PPP1R13B: variants seen among roughly 807,000 people sequenced by gnomAD.
The protein encoded by PPP1R13B is protein phosphatase 1 regulatory subunit 13B.
In PPP1R13B, 44 loss-of-function variants were observed where a neutral mutation model predicts 119.8. The observed-to-expected ratio is 0.37, with a 90% confidence interval of 0.29 to 0.47. PPP1R13B has a LOEUF of 0.47. Among genes scored for constraint, PPP1R13B ranks in the 20% least tolerant of loss-of-function variants. PPP1R13B has a pLI of 0.99. For synonymous variants in PPP1R13B, 542 were observed against 561.5 expected (o/e 0.97, Z 0.49); for missense variants, 1,227 against 1,413.5 (o/e 0.87, Z 2.12).
chr14:103,739,828 G>C lies in PPP1R13B; in HGVS notation c.2588C>G (p.Ser863Cys). 1 of 1,605,012 alleles carries C rather than the reference G, an allele frequency of 6.2e-7. No homozygotes were observed. Among genetic ancestry groups the C allele is most frequent in the East Asian group, 2.2e-5 (1 of 44,718 alleles). Residue 863 changes from serine to cysteine, a missense_variant, in exon 12 of 17, where the codon TCC becomes TGC. Ser to Cys is a moderately radical substitution (Grantham distance 112). Transcript: ENST00000202556. ...LPPASHPPAT[S>C]TNKRTNLKKP... is the part of the protein sequence containing the mutation. ...TGGTCTAGCAATGACACCCACCGTG[G>C]AGGTGGCAGGAGGGTGGCTGGCAGG...
Position 103,825,126 on chromosome 14 carries a change from A to AAT in PPP1R13B, c.9+22171_9+22172dup, listed in dbSNP as rs1480096823. Among the ~76,000 whole-genome samples, 7 of 152,232 alleles carry AAT rather than the reference A, an allele frequency of 4.6e-5. No individual in the cohort carries two copies. In the South Asian group the frequency reaches 1.0e-3, roughly 23 times the overall value. ...CAGTGGTCTTTAACGTTACTATTGT[A>AAT]ATTGCTTTGGGGCACCACAAATAGC... On this transcript the variant is annotated intron_variant, in intron 1 of 16. Coordinates refer to ENST00000202556, the MANE Select transcript of PPP1R13B (RefSeq NM_015316.3).
chr14:103,835,885 G>A (rs895751874), intron 1 of PPP1R13B, among the ~76,000 whole-genome samples: 1 of 151,756 alleles, frequency 6.6e-6, no homozygotes, highest in African/African-American at 2.4e-5. Context: ...CGGGATTACA[G>A]GCGTGAGCCA....
At chr14:103,845,660 T>C (rs925386486) in intron 1 of PPP1R13B, among the ~76,000 whole-genome samples, 6 of 152,174 alleles carry the variant, frequency 3.9e-5, no homozygotes, top group Non-Finnish European at 8.8e-5. Flanking sequence ...AGGATATTTA[T>C]AATTAAACAT....
chr14:103,779,727 C>T (rs2085294689), intron 3 of PPP1R13B, among the ~76,000 whole-genome samples: 1 of 152,140 alleles, frequency 6.6e-6, no homozygotes, highest in Non-Finnish European at 1.5e-5. Flanking sequence ...GTAGAGACTG[C>T]AGTGAACCAT....
At position 103,780,542 on chromosome 14, in the gene PPP1R13B, T is replaced by C. The variant is rs572875568; in HGVS notation, c.278-1721A>G. Among the ~76,000 whole-genome samples the C allele has an allele frequency of 8.4e-4, 111 of 132,626 alleles. 3 individuals carry two copies. The South Asian group carries it at 0.017, about 20-fold the overall frequency. 87.0% of individuals were successfully genotyped at this position (132,626 alleles called of 152,430 possible). A position where few individuals can be genotyped will look rare whatever the true frequency, so the allele number is the denominator to read the frequency against. On this transcript the variant is annotated intron_variant, in intron 3 of 16. Coordinates refer to ENST00000202556, the MANE Select transcript of PPP1R13B (RefSeq NM_015316.3). Reference sequence around the variant, plus strand: ...CATTCACTGAGATGGGGGCTGGACGTGGTGGCTCATGCCTGTAATCCCAGC... The same window carrying C: ...CATTCACTGAGATGGGGGCTGGACGCGGTGGCTCATGCCTGTAATCCCAGC...
In PPP1R13B at chr14:103,740,148, G is replaced by T. The variant is rs776896554; in HGVS notation, c.2268C>A (p.Ala756=). The T allele has an allele frequency of 6.2e-6, 10 of 1,613,406 alleles. No individual in the cohort carries two copies. Among genetic ancestry groups the T allele is most frequent in the Non-Finnish European group, 7.6e-6 (9 of 1,180,024 alleles). ...SPSQDFMGTL[A]DVDNGNTNAN... ...CATTGGTGTTTCCATTGTCCACATC[G>T]GCCAAGGTGCCCATGAAGTCCTGGG... Residue 756 remains alanine, a synonymous_variant, in exon 12 of 17, where the codon GCC becomes GCA. Transcript: ENST00000202556. The surrounding 1 kb of genome is among the most constrained non-coding windows in gnomAD (Gnocchi z 4.6).
In PPP1R13B at chr14:103,754,150, T is replaced by G; in HGVS notation, c.551A>C (p.Glu184Ala). The G allele has an allele frequency of 6.2e-7, 1 of 1,614,106 alleles. No individual in the cohort carries two copies. Among genetic ancestry groups the G allele is most frequent in the Non-Finnish European group, 8.5e-7 (1 of 1,180,024 alleles). The change falls in exon 6 of 17, where the codon GAA becomes GCA. Residue 184 changes from glutamate to alanine, a missense_variant. Coordinates refer to ENST00000202556, the MANE Select transcript of PPP1R13B (RefSeq NM_015316.3). ...TTTCTTCAGCTTGTTCTCCTGGGCT[T>G]CAACTCGTTCTTTCAATTTCTGAAG... Reference protein sequence around the residue: ...EKLQKLKERVEAQENKLKKIR... With the variant: ...EKLQKLKERVAAQENKLKKIR...
chr14:103,781,084 T>C (rs1293046106), intron 3 of PPP1R13B, among the ~76,000 whole-genome samples: 2 of 152,082 alleles, frequency 1.3e-5, no homozygotes, highest in African/African-American at 4.8e-5. Flanking sequence ...ATTACAGGCA[T>C]GAGCCACCAT....
chr14:103,785,719 C>CT (rs1222657264), intron 2 of PPP1R13B, among the ~76,000 whole-genome samples: 1 of 151,850 alleles, frequency 6.6e-6, no homozygotes, highest in Non-Finnish European at 1.5e-5. Flanking sequence ...ACCATGTTGG[C>CT]TAGGCTGGTC....
chr14:103,740,568 C>G lies in PPP1R13B; in HGVS notation c.1848G>C (p.Ser616=), dbSNP rs778338882. 3.9e-6 allele frequency: 6 copies of G among 1,538,926 alleles called. No individual in the cohort carries two copies. In the African/African-American group the frequency reaches 6.9e-5, roughly 18 times the overall value. ...KAVYGKPVLP[S]GSTSPSPLPF... is the part of the protein sequence containing the mutation. ...GCAGCGGCGATGGAGAGGTTGAACC[C>G]GAAGGTAAAACGGGCTTACCATACA... Residue 616 remains serine, a synonymous_variant, in exon 12 of 17, where the codon TCG becomes TCC. Transcript: ENST00000202556. This position sits in a 1 kb window ranked among gnomAD's most constrained non-coding sequence, Gnocchi z 4.6.
intron 3 of PPP1R13B, among the ~76,000 whole-genome samples, chr14:103,784,352 G>A (rs1486146520): frequency 6.6e-6 from 1 of 152,050 alleles, no homozygotes; most frequent in East Asian, 1.9e-4. Flanking sequence ...GGAGGCTGAG[G>A]TGGGCAAATC....
At chr14:103,795,470 A>G (rs913412643) in intron 2 of PPP1R13B, among the ~76,000 whole-genome samples, 4 of 152,124 alleles carry the variant, frequency 2.6e-5, no homozygotes, top group African/African-American at 9.7e-5. Context: ...CTAAGTTATG[A>G]TTTGAGATGG....
chr14:103,755,319 C>G (rs2084650573), intron 5 of PPP1R13B, among the ~76,000 whole-genome samples: 1 of 152,038 alleles, frequency 6.6e-6, no homozygotes, highest in South Asian at 2.1e-4. Context: ...GAATTTTACA[C>G]TGAAAAGAGA....
rs1209415393 is a variant in PPP1R13B, at chr14:103,738,356, C to T, written c.2864+323G>A. 2 of 349,188 alleles carry T rather than the reference C, an allele frequency of 5.7e-6. No homozygotes were observed. The highest frequency in any genetic ancestry group is 6.2e-5 in the East Asian group (1 of 16,240). The allele number at this position is 349,188 out of a possible 1,614,324, so 21.6% of individuals were successfully genotyped here. ...GGGGATGCTGAGGCTGCTTTTCACA[C>T]GGAGCACAGAGTGTGAAGAGTCCAT... On this transcript the variant is annotated intron_variant, in intron 14 of 16. Coordinates refer to ENST00000202556, the MANE Select transcript of PPP1R13B (RefSeq NM_015316.3). This position sits in a 1 kb window ranked among gnomAD's most constrained non-coding sequence, Gnocchi z 5.6.
At chr14:103,744,346 C>T (rs1304932323) in intron 9 of PPP1R13B, among the ~76,000 whole-genome samples, 1 of 152,056 alleles carries the variant, frequency 6.6e-6, no homozygotes, top group African/African-American at 2.4e-5. Flanking sequence ...TAAAAACAAA[C>T]AAAAAACCCT....
intron 9 of PPP1R13B, among the ~76,000 whole-genome samples, chr14:103,744,279 T>C (rs2084334513): frequency 6.6e-6 from 1 of 152,226 alleles, no homozygotes; most frequent in Admixed American, 6.5e-5. Flanking sequence ...CAATTATCTT[T>C]TAGTATGATT....
In PPP1R13B at chr14:103,817,656, A is replaced by G. The variant is rs368939864; in HGVS notation, c.10-20138T>C. Among the ~76,000 whole-genome samples the G allele has an allele frequency of 3.9e-5, 6 of 152,142 alleles. No individual in the cohort carries two copies. In the East Asian group the frequency reaches 1.2e-3, roughly 29 times the overall value. ...GACACAACATTAAAGGACTTTTACC[A>G]TTTATTAATAATAAAAATAGCTAAT... On this transcript the variant is annotated intron_variant, in intron 1 of 16. Transcript: ENST00000202556.
intron 4 of PPP1R13B, among the ~76,000 whole-genome samples, chr14:103,773,026 T>C (rs771434010): frequency 2.6e-5 from 4 of 152,202 alleles, no homozygotes; most frequent in Non-Finnish European, 4.4e-5. Context: ...GAGTTCTTTA[T>C]ATATTCTGCA....
intron 1 of PPP1R13B, among the ~76,000 whole-genome samples, chr14:103,798,152 C>CTTTTTTTT (rs768163941): frequency 7.7e-6 from 1 of 129,184 alleles, no homozygotes; most frequent in Non-Finnish European, 1.6e-5. Flanking sequence ...ATAATAATCT[C>CTTTTTTTT]TTTTTTTTTT....
Sources: gnomAD v4.1 joint callset for allele counts (sites outside exome capture counted in the v4.1 genomes callset) on GRCh38, gnomAD v4.1.1 for gene constraint, Gnocchi (gnomAD v3.1) non-coding constraint, MANE v1.5 for transcripts, NCBI Gene and HGNC (gene_info 2026-07-23, HGNC 2026-07-21) for gene names.